Variants in IGSF5 observed in about 807,000 individuals in gnomAD.
IGSF5 encodes the protein immunoglobulin superfamily member 5, also known as immunoglobulin superfamily 5 like.
IGSF5 carries 41 observed loss-of-function variants against 39.4 expected under a neutral mutation model. The ratio of observed to expected loss-of-function variants is 1.04; its 90% CI spans 0.81 to 1.35. IGSF5 has a LOEUF of 1.35. Among genes scored for constraint, IGSF5 ranks in the 40% most tolerant of loss-of-function variants. IGSF5 has a pLI of 0.00. For missense variants in IGSF5, 487 were observed against 494.6 expected, an observed-to-expected ratio of 0.98 and a Z score of 0.15; for synonymous variants, 183 against 175.3, an observed-to-expected ratio of 1.04 and a Z score of -0.34.
the IGSF5 span, chr21:39,729,085 CA>C: frequency 6.6e-6 from 1 of 152,134 alleles, no homozygotes; most frequent in African/African-American, 2.4e-5. Flanking sequence ...TGACAAAGAC[CA>C]AAATATGAGT....
intron 4 of IGSF5, among the ~76,000 whole-genome samples, chr21:39,778,771 A>G (rs2080153954): frequency 1.3e-5 from 2 of 152,236 alleles, no homozygotes; most frequent in Non-Finnish European, 2.9e-5. Context: ...AAACGTGACC[A>G]TCACTATGCC....
In IGSF5 at chr21:39,770,910, C is replaced by T; in HGVS notation, c.419-6C>T. Reference sequence around the variant, plus strand: ...CTTCAATGTGTTTCTCTCTTTTCTTCTTTAGTTATGGGAGAGCTGTTCATT... The same window carrying T: ...CTTCAATGTGTTTCTCTCTTTTCTTTTTTAGTTATGGGAGAGCTGTTCATT... On this transcript the variant is annotated splice_region_variant and splice_polypyrimidine_tract_variant and intron_variant, in intron 3 of 8. Transcript: ENST00000380588. 1 of 1,473,848 alleles carries T rather than the reference C, an allele frequency of 6.8e-7. No individual in the cohort carries two copies. Among genetic ancestry groups the T allele is most frequent in the Non-Finnish European group, 9.0e-7 (1 of 1,108,620 alleles). The allele number at this position is 1,473,848 out of a possible 1,614,324, so 91.3% of individuals were successfully genotyped here.
At chr21:39,714,158 G>T in the IGSF5 span, among the ~76,000 whole-genome samples, 386 of 152,354 alleles carry the variant, frequency 2.5e-3, 1 homozygote, top group African/African-American at 8.7e-3. Flanking sequence ...CCTTGTCTAT[G>T]GTCACTGGCT....
At chr21:39,726,049 G>A in the IGSF5 span, 2 of 152,186 alleles carry the variant, frequency 1.3e-5, no homozygotes, top group African/African-American at 4.8e-5. Context: ...CTGCCCATCT[G>A]AATAACAAGA....
chr21:39,782,473 C>A (rs1273517531), intron 5 of IGSF5, among the ~76,000 whole-genome samples: 1 of 152,150 alleles, frequency 6.6e-6, no homozygotes, highest in Non-Finnish European at 1.5e-5. Context: ...CTAGGTTCAT[C>A]TTGCAAAATA....
chr21:39,723,523 C>T, the IGSF5 span, among the ~76,000 whole-genome samples: 1 of 152,154 alleles, frequency 6.6e-6, no homozygotes, highest in African/African-American at 2.4e-5. Context: ...AGTATGATTA[C>T]TGGAGGCAGG....
chr21:39,796,560 G>A (rs866822192), intron 8 of IGSF5, among the ~76,000 whole-genome samples: 1 of 152,220 alleles, frequency 6.6e-6, no homozygotes, highest in South Asian at 2.1e-4. Flanking sequence ...CCTCCTCTCC[G>A]CATGCCTCAG....
chr21:39,782,208 T>TA (rs1367135472), intron 5 of IGSF5, among the ~76,000 whole-genome samples: 1 of 152,214 alleles, frequency 6.6e-6, no homozygotes, highest in African/African-American at 2.4e-5. Context: ...TTCATGCACT[T>TA]ACACTGTACT....
chr21:39,775,515 T>C (rs2080135242), intron 4 of IGSF5, among the ~76,000 whole-genome samples: 1 of 152,222 alleles, frequency 6.6e-6, no homozygotes, highest in African/African-American at 2.4e-5. Flanking sequence ...CTATACCTTT[T>C]TAAAACTCTA....
chr21:39,736,254 A>T, the IGSF5 span, among the ~76,000 whole-genome samples: 1 of 152,118 alleles, frequency 6.6e-6, no homozygotes, highest in Non-Finnish European at 1.5e-5. Flanking sequence ...AGGGATTCCC[A>T]GGGCCTCTCT....
chr21:39,764,714 T>C (rs1162169415), intron 2 of IGSF5, among the ~76,000 whole-genome samples: 1 of 152,198 alleles, frequency 6.6e-6, no homozygotes, highest in Non-Finnish European at 1.5e-5. Context: ...AGTGTATATG[T>C]TGGCAGACCA....
At chr21:39,769,441 T>G (rs1216798532) in intron 3 of IGSF5, among the ~76,000 whole-genome samples, 1 of 121,156 alleles carries the variant, frequency 8.3e-6, no homozygotes, top group Non-Finnish European at 1.6e-5. Flanking sequence ...CACTCCAGCC[T>G]GGGCAACAAG....
At chr21:39,745,067 T>G (rs2079966334), upstream of IGSF5, among the ~76,000 whole-genome samples, 1 of 150,096 alleles carries the variant, frequency 6.7e-6, no homozygotes, top group South Asian at 2.1e-4. Context: ...TTTTTTTTTT[T>G]TAACTATTTC....
chr21:39,724,991 CT>C, the IGSF5 span, among the ~76,000 whole-genome samples: 1 of 152,214 alleles, frequency 6.6e-6, no homozygotes, highest in Non-Finnish European at 1.5e-5. Context: ...TATTTACACC[CT>C]AGAGAGCTGT....
At chr21:39,755,322 C>T (rs564334806) in intron 2 of IGSF5, among the ~76,000 whole-genome samples, 1 of 152,284 alleles carries the variant, frequency 6.6e-6, no homozygotes, top group African/African-American at 2.4e-5. Flanking sequence ...TGCGGTGGCT[C>T]ATGCCTGTAA....
At position 39,768,657 on chromosome 21, in the gene IGSF5, G is replaced by A. The variant is rs982806092; in HGVS notation, c.419-2259G>A. 7.2e-5 allele frequency among the ~76,000 whole-genome samples: 11 copies of A among 152,262 alleles called. No individual in the cohort carries two copies. In the East Asian group the frequency reaches 2.1e-3, roughly 29 times the overall value. On this transcript the variant is annotated intron_variant, in intron 3 of 8. Coordinates refer to ENST00000380588, the MANE Select transcript of IGSF5 (RefSeq NM_001080444.2). ...AGACAATATCATTCCTCCCAGTTCT[G>A]TCATCTTAAACCGTCTCTCTGTCAA...
At chr21:39,763,733 G>A (rs545637779) in intron 2 of IGSF5, among the ~76,000 whole-genome samples, 3 of 152,304 alleles carry the variant, frequency 2.0e-5, no homozygotes, top group Non-Finnish European at 1.5e-5. Context: ...TTGACCCGAG[G>A]TGGGAGTGCA....
Position 39,793,603 on chromosome 21 carries a change from C to T in IGSF5, c.1118C>T (p.Pro373Leu). The change falls in exon 8 of 9, where the codon CCT becomes CTT. Residue 373 changes from proline (P) to leucine (L), a missense_variant. Pro to Leu is a moderately conservative substitution (Grantham distance 98). Transcript: ENST00000380588. ...DPEQRNSSCG[P>L]PHQRADQRPP... The stretch of plus-strand genomic sequence containing the variant: ...GAACAAAGAAACAGTAGCTGTGGCC[C>T]TCCTCACCAGGTAGTTTAGACCATT... The T allele has an allele frequency of 1.2e-6, 2 of 1,613,626 alleles. No individual in the cohort carries two copies. Among genetic ancestry groups the T allele is most frequent in the Non-Finnish European group, 1.7e-6 (2 of 1,179,606 alleles).
At chr21:39,781,743 G>C (rs143783704) in intron 5 of IGSF5, among the ~76,000 whole-genome samples, 2 of 152,144 alleles carry the variant, frequency 1.3e-5, no homozygotes, top group Non-Finnish European at 2.9e-5. Context: ...TTGAACTACT[G>C]TTCCATCTTT....
Sources: gnomAD v4.1 joint callset for allele counts (sites outside exome capture counted in the v4.1 genomes callset) on GRCh38, gnomAD v4.1.1 for gene constraint, MANE v1.5 for transcripts, NCBI Gene and HGNC (gene_info 2026-07-23, HGNC 2026-07-21) for gene names.